The following TMEM269 variants were observed in gnomAD, a reference collection of about 807,000 sequenced individuals.
The protein encoded by TMEM269 is transmembrane protein 269.
Under a neutral mutation model 15.8 loss-of-function variants are expected in TMEM269, and 12 were observed. That is an observed-to-expected ratio of 0.76 (90% CI 0.49 to 1.23). The LOEUF (loss-of-function observed/expected upper bound fraction) is 1.23, where lower values mean the gene tolerates loss of function less well. Ranked by LOEUF, TMEM269 falls within the 50% of genes most tolerant of loss-of-function variation. The pLI, the probability that TMEM269 is intolerant of heterozygous loss-of-function variation, is 0.00. For missense variants in TMEM269, 211 were observed against 245.4 expected (o/e 0.86, Z 0.94); for synonymous variants, 93 against 99.3 (o/e 0.94, Z 0.38).
At chr1:42,787,025 A>G (rs554895345) in intron 1 of TMEM269, among the ~76,000 whole-genome samples, 3 of 152,316 alleles carry the variant, frequency 2.0e-5, no homozygotes, top group East Asian at 3.9e-4. Flanking sequence ...AGGTACCACT[A>G]TGAATAGGGT....
At chr1:42,793,519 AC>A (rs2124219778) in intron 3 of TMEM269, 81 bp from the exon 4 acceptor site, 2 of 1,405,092 alleles carry the variant, frequency 1.4e-6, no homozygotes, top group East Asian at 5.1e-5. Flanking sequence ...TCTTATCACT[AC>A]CCCAGCTCCC....
chr1:42,786,202 C>T (rs760734737), intron 1 of TMEM269, among the ~76,000 whole-genome samples: 1 of 152,190 alleles, frequency 6.6e-6, no homozygotes, highest in Non-Finnish European at 1.5e-5. Context: ...CTCAGGGAAG[C>T]ACCAGAGTGA....
rs573855468 is a variant in TMEM269, at chr1:42,788,518, T to C, written c.-98-1278T>C. 3.9e-5 allele frequency among the ~76,000 whole-genome samples: 6 copies of C among 152,054 alleles called. No homozygotes were observed. The highest frequency in any genetic ancestry group is 1.4e-4 in the African/African-American group (6 of 41,492). ...GTAAAAACAGAGACAAGACAGACTG[T>C]GAAGATGGGCAGGGCCAGCCAATTC... On this transcript the variant is annotated intron_variant, in intron 1 of 5. Coordinates refer to ENST00000637012, the MANE Select transcript of TMEM269 (RefSeq NM_001354602.2). The surrounding 1 kb of genome is among the most constrained non-coding windows in gnomAD (Gnocchi z 4.0).
rs770570329 is a variant in TMEM269 at position 42,797,437 on chromosome 1, C to T, written c.485-661C>T. Among the ~76,000 whole-genome samples the T allele has an allele frequency of 6.6e-6, 1 of 152,172 alleles. No homozygotes were observed. Among genetic ancestry groups the T allele is most frequent in the Non-Finnish European group, 1.5e-5 (1 of 68,036 alleles). ...CTACCAGGGAAACTGATGAGAGACTCAGTGCCCAAGTTTTACTGGGGGATG... is the reference window on the plus strand; with the variant it reads ...CTACCAGGGAAACTGATGAGAGACTTAGTGCCCAAGTTTTACTGGGGGATG... On this transcript the variant is annotated intron_variant, in intron 5 of 5. Transcript: ENST00000637012. This position sits in a 1 kb window ranked among gnomAD's most constrained non-coding sequence, Gnocchi z 4.9.
intron 2 of TMEM269, 104 bp downstream of exon 2, chr1:42,790,038 C>T: frequency 1.2e-6 from 1 of 835,550 alleles, no homozygotes; most frequent in South Asian, 1.5e-5. Flanking sequence ...TAGGAATCCA[C>T]AGTGTACCCA....
intron 1 of TMEM269, chr1:42,789,214 T>C (rs1653603078): frequency 3.5e-6 from 2 of 565,282 alleles, no homozygotes; most frequent in South Asian, 4.3e-5. Flanking sequence ...TGAGCCACCG[T>C]GTCCGGCTAC....
At chr1:42,786,565 T>G (rs1653545673) in intron 1 of TMEM269, among the ~76,000 whole-genome samples, 1 of 152,198 alleles carries the variant, frequency 6.6e-6, no homozygotes, top group African/African-American at 2.4e-5. Context: ...CTGAGGGCAT[T>G]CAAGAAGCTG....
rs1299256710 is a variant in TMEM269 at position 42,797,289 on chromosome 1, G to T, written c.485-809G>T. Reference sequence around the variant, plus strand: ...TAAAGCAAAATCAGCAAAGGGAAAAGGTGCATGGGAAAAAGTTCAGGGGAA... The same window carrying T: ...TAAAGCAAAATCAGCAAAGGGAAAATGTGCATGGGAAAAAGTTCAGGGGAA... On this transcript the variant is annotated intron_variant, in intron 5 of 5. Transcript: ENST00000637012. The surrounding 1 kb of genome is among the most constrained non-coding windows in gnomAD (Gnocchi z 4.9). Among the ~76,000 whole-genome samples the T allele has an allele frequency of 6.6e-6, 1 of 152,150 alleles. No homozygotes were observed. Among genetic ancestry groups the T allele is most frequent in the East Asian group, 1.9e-4 (1 of 5,204 alleles).
intron 1 of TMEM269, among the ~76,000 whole-genome samples, chr1:42,787,381 A>G (rs1015675506): frequency 3.3e-5 from 5 of 151,460 alleles, no homozygotes; most frequent in Non-Finnish European, 7.4e-5. Context: ...CGGGTGGATC[A>G]TGAGGTCAGG....
intron 2 of TMEM269, among the ~76,000 whole-genome samples, chr1:42,791,411 G>A (rs1377386490): frequency 6.6e-6 from 1 of 152,156 alleles, no homozygotes; most frequent in Non-Finnish European, 1.5e-5. Context: ...ATAACAGAAA[G>A]ATAGCTGAAA....
intron 2 of TMEM269, among the ~76,000 whole-genome samples, chr1:42,790,584 T>C (rs1653666532): frequency 7.2e-6 from 1 of 138,198 alleles, no homozygotes; most frequent in East Asian, 2.1e-4. Context: ...GAAAATTTCT[T>C]TTTTTAAGAA....
rs1653822846 is a variant in TMEM269 at position 42,798,241 on chromosome 1, C to G, written c.*16C>G. The G allele has an allele frequency of 6.5e-6, 10 of 1,543,294 alleles. No homozygotes were observed. Among genetic ancestry groups the G allele is most frequent in the Non-Finnish European group, 8.7e-6 (10 of 1,146,930 alleles). On this transcript the variant is annotated 3_prime_UTR_variant, in exon 6 of 6. Transcript: ENST00000637012. The stretch of plus-strand genomic sequence containing the variant: ...ACAGCACTGAGGAAGCTAAGCAGCT[C>G]TACCAGCTCCTGCCGGCCTCTGTGG...
At chr1:42,786,295 AATT>A in intron 1 of TMEM269, among the ~76,000 whole-genome samples, 1 of 152,378 alleles carries the variant, frequency 6.6e-6, no homozygotes, top group Middle Eastern at 3.4e-3. Context: ...CCAGCACTCA[AATT>A]GCATTCCCTG....
Position 42,800,043 on chromosome 1 carries a change from G to C in TMEM269, c.*1818G>C, listed in dbSNP as rs1440198230. On this transcript the variant is annotated 3_prime_UTR_variant, in exon 6 of 6. Transcript: ENST00000637012. ...GAAACTATGTTGAAAGGAAAAAGAT[G>C]CAATTCTGAAAGAGAATTTCCATGT... is the stretch of plus-strand genomic sequence containing the variant. The C allele has an allele frequency of 6.6e-6, 1 of 152,208 alleles. No individual in the cohort carries two copies. The highest frequency in any genetic ancestry group is 1.5e-5 in the Non-Finnish European group (1 of 68,030). The allele number at this position is 152,208 out of a possible 1,614,324, so 9.4% of individuals were successfully genotyped here.
At chr1:42,789,357 G>A (rs1195469938) in intron 1 of TMEM269, 2 of 1,315,520 alleles carry the variant, frequency 1.5e-6, no homozygotes, top group Non-Finnish European at 2.1e-6. Context: ...AACTTGGACT[G>A]TGGGACAACA....
Position 42,800,237 on chromosome 1 carries a change from T to C in TMEM269, c.*2012T>C, listed in dbSNP as rs1468320844. The C allele has an allele frequency of 6.6e-6, 1 of 152,166 alleles. No homozygotes were observed. 9.4% of individuals were successfully genotyped at this position (152,166 alleles called of 1,614,324 possible). A position where few individuals can be genotyped will look rare whatever the true frequency, so the allele number is the denominator to read the frequency against. Reference sequence around the variant, plus strand: ...TAGGTTAATGACACTAGGATAGTTATAGGTCAGCTGACAGCCGGTTAACAG... The same window carrying C: ...TAGGTTAATGACACTAGGATAGTTACAGGTCAGCTGACAGCCGGTTAACAG... On this transcript the variant is annotated 3_prime_UTR_variant, in exon 6 of 6. Coordinates refer to ENST00000637012, the MANE Select transcript of TMEM269 (RefSeq NM_001354602.2).
intron 2 of TMEM269, 151 bp from the exon 3 acceptor site, chr1:42,792,654 G>A (rs979292900): frequency 1.6e-6 from 1 of 640,966 alleles, no homozygotes; most frequent in African/African-American, 1.8e-5. Context: ...GTGAGTGTGG[G>A]GGACATGAAG....
intron 1 of TMEM269, 21 bp from the exon 2 acceptor site, chr1:42,789,775 C>A: frequency 7.4e-7 from 1 of 1,355,424 alleles, no homozygotes; most frequent in Non-Finnish European, 1.0e-6. Flanking sequence ...GAACCCTTCG[C>A]CCCTCTCTCT....
chr1:42,797,988 A>G lies in TMEM269; in HGVS notation c.485-110A>G. The G allele has an allele frequency of 8.1e-7, 1 of 1,229,060 alleles. No individual in the cohort carries two copies. 76.1% of individuals were successfully genotyped at this position (1,229,060 alleles called of 1,614,324 possible). A position where few individuals can be genotyped will look rare whatever the true frequency, so the allele number is the denominator to read the frequency against. ...GTCTCTTTCTGTTTGTTTCTTAGGC[A>G]CTGTGGGTGAAAAGTAAAGAATGGG... On this transcript the variant is annotated intron_variant, in intron 5 of 5. Transcript: ENST00000637012. The surrounding 1 kb of genome is among the most constrained non-coding windows in gnomAD (Gnocchi z 4.9).
Sources: gnomAD v4.1 joint callset for allele counts (sites outside exome capture counted in the v4.1 genomes callset) on GRCh38, gnomAD v4.1.1 for gene constraint, Gnocchi (gnomAD v3.1) non-coding constraint, MANE v1.5 for transcripts, NCBI Gene and HGNC (gene_info 2026-07-23, HGNC 2026-07-21) for gene names.